The following RAB6B variants were observed in gnomAD, a reference collection of about 807,000 sequenced individuals.
The protein encoded by RAB6B is RAB6B, member RAS oncogene family, also known as ras-related protein Rab-6B.
Under a neutral mutation model 31.2 loss-of-function variants are expected in RAB6B, and 7 were observed. The ratio of observed to expected loss-of-function variants is 0.22; its 90% CI spans 0.13 to 0.42. The LOEUF (loss-of-function observed/expected upper bound fraction) is 0.42, where lower values mean the gene tolerates loss of function less well. Among genes scored for constraint, RAB6B ranks in the 10% least tolerant of loss-of-function variants. RAB6B has a pLI of 1.00. For missense variants in RAB6B, 149 were observed against 280.6 expected (o/e 0.53, Z 3.35); for synonymous variants, 105 against 104.9 (o/e 1.00, Z -0.01).
intron 6 of RAB6B, among the ~76,000 whole-genome samples, chr3:133,836,570 G>A (rs1468411714): frequency 1.3e-5 from 2 of 152,182 alleles, no homozygotes; most frequent in African/African-American, 4.8e-5. Context: ...CACTCTGGGG[G>A]TAGGGGCATC....
chr3:133,865,075 G>A (rs1243970662), intron 1 of RAB6B, among the ~76,000 whole-genome samples: 3 of 152,360 alleles, frequency 2.0e-5, no homozygotes, highest in Admixed American at 6.5e-5. Flanking sequence ...TTTATTTCCT[G>A]TTAATTCAGC....
At chr3:133,889,583 C>T (rs561789245) in intron 1 of RAB6B, among the ~76,000 whole-genome samples, 67 of 151,668 alleles carry the variant, frequency 4.4e-4, no homozygotes, top group African/African-American at 1.5e-3. Flanking sequence ...TATAGGCATG[C>T]GCCACCATGC....
chr3:133,856,721 ATAAG>A (rs1325170973), intron 2 of RAB6B, among the ~76,000 whole-genome samples: 2 of 152,176 alleles, frequency 1.3e-5, no homozygotes, highest in Admixed American at 1.3e-4. Flanking sequence ...TGTAGTTACC[ATAAG>A]TAAGTTCTTA....
chr3:133,875,335 T>C (rs2692683), intron 1 of RAB6B, among the ~76,000 whole-genome samples: 88,682 of 151,936 alleles, frequency 0.58, 26,488 homozygotes, highest in African/African-American at 0.71. Context: ...CAGACAAATA[T>C]TGCATGATCT....
chr3:133,886,516 TG>T (rs760377493), intron 1 of RAB6B, among the ~76,000 whole-genome samples: 5 of 152,162 alleles, frequency 3.3e-5, no homozygotes. Flanking sequence ...GGAGCAGGCA[TG>T]GTGAGTCTGT....
rs903147200 is a variant in RAB6B at position 133,842,328 on chromosome 3, G to A, written c.130-665C>T. Among the ~76,000 whole-genome samples the A allele has an allele frequency of 2.6e-5, 4 of 152,352 alleles. No homozygotes were observed. The East Asian group carries it at 7.7e-4, about 29-fold the overall frequency. ...GCACCTGTGAGAGGCAGCCAGCCTT[G>A]TGGCCAGATGGCCAGGACCCACCAC... On this transcript the variant is annotated intron_variant, in intron 2 of 7. Transcript: ENST00000285208.
chr3:133,892,994 C>T (rs528034848), intron 1 of RAB6B, among the ~76,000 whole-genome samples: 2 of 152,304 alleles, frequency 1.3e-5, no homozygotes, highest in Non-Finnish European at 2.9e-5. Flanking sequence ...AACAATGCAA[C>T]AAATTGGAAA....
At chr3:133,855,006 G>A (rs956342616) in intron 2 of RAB6B, among the ~76,000 whole-genome samples, 3 of 152,234 alleles carry the variant, frequency 2.0e-5, no homozygotes, top group Non-Finnish European at 2.9e-5. Flanking sequence ...TGTTACGTGC[G>A]TCTTCTTTTA....
chr3:133,873,669 T>G (rs1352383276), intron 1 of RAB6B, among the ~76,000 whole-genome samples: 1 of 152,168 alleles, frequency 6.6e-6, no homozygotes, highest in Non-Finnish European at 1.5e-5. Flanking sequence ...ACAAAAAAAT[T>G]TATATATTCA....
At chr3:133,882,775 G>A (rs926321995) in intron 1 of RAB6B, among the ~76,000 whole-genome samples, 52 of 152,308 alleles carry the variant, frequency 3.4e-4, no homozygotes, top group African/African-American at 1.2e-3. Flanking sequence ...GGCAGGAGAG[G>A]AGCTGAGTTC....
At chr3:133,829,215 G>A (rs751509257) in intron 7 of RAB6B, among the ~76,000 whole-genome samples, 6 of 152,190 alleles carry the variant, frequency 3.9e-5, no homozygotes, top group Non-Finnish European at 5.9e-5. Flanking sequence ...CACTCAAAGT[G>A]CAATGGAGAT....
intron 4 of RAB6B, among the ~76,000 whole-genome samples, chr3:133,840,238 A>G (rs143858620): frequency 2.1e-3 from 317 of 152,308 alleles, no homozygotes; most frequent in Middle Eastern, 3.4e-3. Flanking sequence ...AAAATCCAGG[A>G]GAGACAAGGC....
chr3:133,873,689 A>T (rs1322684542), intron 1 of RAB6B, among the ~76,000 whole-genome samples: 1 of 152,192 alleles, frequency 6.6e-6, no homozygotes, highest in Non-Finnish European at 1.5e-5. Context: ...AAGGTGTAAA[A>T]TGTGACGTTT....
chr3:133,872,461 C>A (rs1216304581), intron 1 of RAB6B, among the ~76,000 whole-genome samples: 1 of 152,258 alleles, frequency 6.6e-6, no homozygotes. Context: ...GGTACGGCCC[C>A]CAGGCCCTGT....
chr3:133,832,546 C>T (rs1454489042), intron 7 of RAB6B, among the ~76,000 whole-genome samples: 2 of 152,206 alleles, frequency 1.3e-5, no homozygotes, highest in East Asian at 3.9e-4. Context: ...TGAACATGAC[C>T]CCAAAGCACA....
At chr3:133,865,254 C>T in intron 1 of RAB6B, among the ~76,000 whole-genome samples, 1 of 152,228 alleles carries the variant, frequency 6.6e-6, no homozygotes, top group East Asian at 1.9e-4. Context: ...CCAGGAGGAT[C>T]CCCAGTCACT....
At chr3:133,857,840 T>C (rs951445558) in intron 2 of RAB6B, among the ~76,000 whole-genome samples, 1 of 152,166 alleles carries the variant, frequency 6.6e-6, no homozygotes, top group Non-Finnish European at 1.5e-5. Context: ...CTCTTCTCTA[T>C]GTAACCCACA....
chr3:133,871,405 C>T (rs573138965), intron 1 of RAB6B, among the ~76,000 whole-genome samples: 4 of 152,288 alleles, frequency 2.6e-5, no homozygotes, highest in East Asian at 1.9e-4. Flanking sequence ...ACAACATTCC[C>T]GGGGAAGGGA....
rs572943730 is a variant in RAB6B at position 133,884,212 on chromosome 3, C to T, written c.70+11185G>A. Among the ~76,000 whole-genome samples the T allele has an allele frequency of 3.3e-5, 5 of 152,360 alleles. No individual in the cohort carries two copies. The East Asian group carries it at 5.8e-4, about 18-fold the overall frequency. Reference sequence around the variant, plus strand: ...CTCAGTAACGTCCAGTGGGCACTGCCTATGCAGAAGAACAGGAAGGGCAGG... The same window carrying T: ...CTCAGTAACGTCCAGTGGGCACTGCTTATGCAGAAGAACAGGAAGGGCAGG... On this transcript the variant is annotated intron_variant, in intron 1 of 7. Coordinates refer to ENST00000285208, the MANE Select transcript of RAB6B (RefSeq NM_016577.4).
Sources: allele counts gnomAD v4.1 joint callset (sites outside exome capture counted in the v4.1 genomes callset), GRCh38; gene constraint gnomAD v4.1.1; transcripts MANE v1.5; gene names NCBI Gene and HGNC (gene_info 2026-07-23, HGNC 2026-07-21).